Variants in NRXN3 observed in about 807,000 individuals in gnomAD.
NRXN3 encodes neurexin III.
Under a neutral mutation model 137.6 loss-of-function variants are expected in NRXN3, and 32 were observed. The observed-to-expected ratio is 0.23, with a 90% CI of 0.18 to 0.31. NRXN3 has a LOEUF of 0.31. Ranked by LOEUF, NRXN3 falls within the 10% of genes least tolerant of loss-of-function variation. The pLI is 1.00. For synonymous variants in NRXN3, 798 were observed against 784.5 expected, an observed-to-expected ratio of 1.02 and a Z score of -0.29; for missense variants, 1,574 against 2,062.5, an observed-to-expected ratio of 0.76 and a Z score of 4.59.
intron 4 of NRXN3, among the ~76,000 whole-genome samples, chr14:78,506,996 C>G (rs772322757): frequency 3.3e-5 from 5 of 151,962 alleles, no homozygotes; most frequent in Non-Finnish European, 5.9e-5. Flanking sequence ...GTAGGCATTC[C>G]TTATATATTT....
At chr14:79,859,839 G>A (rs570539214) in intron 20 of NRXN3, among the ~76,000 whole-genome samples, 4 of 152,250 alleles carry the variant, frequency 2.6e-5, no homozygotes, top group East Asian at 1.9e-4. Context: ...GGAAACATTC[G>A]CAGCATCCCT....
chr14:78,743,407 C>G (rs1048040202), intron 8 of NRXN3, among the ~76,000 whole-genome samples: 1 of 152,126 alleles, frequency 6.6e-6, no homozygotes, highest in African/African-American at 2.4e-5. Context: ...CCTTGCTATC[C>G]ACATATCTTC....
chr14:79,171,326 G>A (rs1436086515), intron 15 of NRXN3, among the ~76,000 whole-genome samples: 2 of 152,052 alleles, frequency 1.3e-5, no homozygotes, highest in African/African-American at 2.4e-5. Flanking sequence ...TTTGGAATAG[G>A]GGGAATTAGA....
At chr14:78,979,920 C>A (rs563178539) in intron 14 of NRXN3, among the ~76,000 whole-genome samples, 1 of 152,298 alleles carries the variant, frequency 6.6e-6, no homozygotes, top group East Asian at 1.9e-4. Context: ...TCCCACCGGG[C>A]CCCTCCCACA....
chr14:78,407,584 C>A (rs2092566976), intron 4 of NRXN3, among the ~76,000 whole-genome samples: 1 of 152,138 alleles, frequency 6.6e-6, no homozygotes, highest in Non-Finnish European at 1.5e-5. Context: ...CTCAGGAGTC[C>A]TAGGCATTGA....
At chr14:79,381,007 A>G (rs1292783014) in intron 15 of NRXN3, among the ~76,000 whole-genome samples, 1 of 152,082 alleles carries the variant, frequency 6.6e-6, no homozygotes. Flanking sequence ...TTGGACAGAG[A>G]GACAGGCAGG....
At chr14:78,889,182 ATATT>A (rs531372420) in intron 10 of NRXN3, among the ~76,000 whole-genome samples, 243 of 152,112 alleles carry the variant, frequency 1.6e-3, no homozygotes, top group African/African-American at 5.5e-3. Flanking sequence ...ATTTCTTATG[ATATT>A]TAACATGACA....
chr14:78,285,532 AG>A (rs940510298), intron 3 of NRXN3, among the ~76,000 whole-genome samples: 2 of 152,176 alleles, frequency 1.3e-5, no homozygotes, highest in African/African-American at 2.4e-5. Context: ...AAACCCTGGT[AG>A]GTGCGGCCCA....
intron 15 of NRXN3, among the ~76,000 whole-genome samples, chr14:79,415,203 G>A (rs1172768149): frequency 6.6e-6 from 1 of 152,064 alleles, no homozygotes; most frequent in African/African-American, 2.4e-5. Flanking sequence ...TAAGAGTGCA[G>A]ATATCTATTC....
intron 16 of NRXN3, among the ~76,000 whole-genome samples, chr14:79,598,688 TG>T (rs765248066): frequency 6.6e-6 from 1 of 152,224 alleles, no homozygotes; most frequent in Non-Finnish European, 1.5e-5. Context: ...CCAGCAAGAC[TG>T]GGTCTGTCCA....
intron 16 of NRXN3, among the ~76,000 whole-genome samples, chr14:79,475,031 G>T (rs1334667370): frequency 2.6e-5 from 4 of 152,066 alleles, no homozygotes; most frequent in Non-Finnish European, 2.9e-5. Flanking sequence ...TATACTCGGG[G>T]ATAGAGCCCC....
At chr14:78,777,070 A>C (rs767060491) in intron 8 of NRXN3, among the ~76,000 whole-genome samples, 22 of 152,172 alleles carry the variant, frequency 1.4e-4, no homozygotes, top group Admixed American at 3.3e-4. Context: ...TATATTATTC[A>C]AATCCTGTTC....
At chr14:78,788,950 T>G (rs909497377) in intron 8 of NRXN3, among the ~76,000 whole-genome samples, 4 of 152,170 alleles carry the variant, frequency 2.6e-5, no homozygotes, top group Non-Finnish European at 5.9e-5. Context: ...TGATTCTGAA[T>G]GGGAGGCTGA....
intron 15 of NRXN3, among the ~76,000 whole-genome samples, chr14:79,391,395 G>A (rs1015262840): frequency 4.6e-5 from 7 of 152,156 alleles, no homozygotes; most frequent in Non-Finnish European, 7.4e-5. Flanking sequence ...TGGACAGCCT[G>A]TTAGGCCTTT....
chr14:79,343,266 G>A (rs2092703961), intron 15 of NRXN3, among the ~76,000 whole-genome samples: 1 of 152,196 alleles, frequency 6.6e-6, no homozygotes, highest in Admixed American at 6.5e-5. Flanking sequence ...CAGGCAAGAA[G>A]GAGGTCTGCT....
chr14:78,381,840 A>G (rs940313147), intron 4 of NRXN3, among the ~76,000 whole-genome samples: 1 of 152,232 alleles, frequency 6.6e-6, no homozygotes. Flanking sequence ...CCCAAAGGGT[A>G]CATATTATAT....
At chr14:78,503,039 C>T (rs889675023) in intron 4 of NRXN3, among the ~76,000 whole-genome samples, 1 of 152,002 alleles carries the variant, frequency 6.6e-6, no homozygotes, top group Admixed American at 6.6e-5. Context: ...GAAAGCAGTG[C>T]CATATTATTT....
In NRXN3 at chr14:78,903,147, C is replaced by CTTTTTTTTT. The variant is rs965920523; in HGVS notation, c.2276-54086_2276-54078dup. Among the ~76,000 whole-genome samples, 339 of 121,352 alleles carry CTTTTTTTTT rather than the reference C, an allele frequency of 2.8e-3. 1 individual carries two copies. Among genetic ancestry groups the CTTTTTTTTT allele is most frequent in the East Asian group, 6.2e-3 (24 of 3,894 alleles). The allele number at this position is 121,352 out of a possible 152,430, so 79.6% of individuals were successfully genotyped here. On this transcript the variant is annotated intron_variant, in intron 10 of 20. Transcript: ENST00000335750. ...GAAATAAACAATGAAGTTTCATCTTCTTTTTTTTTTTTTTTTTCTGAGACA... is the reference window on the plus strand; with the variant it reads ...GAAATAAACAATGAAGTTTCATCTTCTTTTTTTTTTTTTTTTTTTTTTTTTTCTGAGACA...
chr14:79,596,132 C>A (rs2097856548), intron 16 of NRXN3, among the ~76,000 whole-genome samples: 1 of 151,208 alleles, frequency 6.6e-6, no homozygotes, highest in Non-Finnish European at 1.5e-5. Flanking sequence ...TACACCCTTT[C>A]TAGCAATGGG....
Sources: gnomAD v4.1 joint callset for allele counts (sites outside exome capture counted in the v4.1 genomes callset) on GRCh38, gnomAD v4.1.1 for gene constraint, MANE v1.5 for transcripts, NCBI Gene and HGNC (gene_info 2026-07-23, HGNC 2026-07-21) for gene names.